Variants in IL1RAPL2 observed in about 807,000 individuals in gnomAD.
IL1RAPL2 encodes interleukin 1 receptor accessory protein like 2.
In IL1RAPL2, 3 loss-of-function variants were observed where a neutral mutation model predicts 44.1. The ratio of observed to expected loss-of-function variants is 0.07; its 90% CI spans 0.03 to 0.18. The LOEUF is 0.18. Ranked by LOEUF, IL1RAPL2 falls within the 10% of genes least tolerant of loss-of-function variation. The pLI, the probability that IL1RAPL2 is intolerant of heterozygous loss-of-function variation, is 1.00. For missense variants in IL1RAPL2, 391 were observed against 496.4 expected (o/e 0.79, Z 2.02); for synonymous variants, 181 against 178.8 (o/e 1.01, Z -0.10).
chrX:105,132,223 T>TA (rs745347881), intron 2 of IL1RAPL2, among the ~76,000 whole-genome samples: 27 of 110,429 alleles, frequency 2.4e-4, no homozygotes, highest in Non-Finnish European at 3.8e-4. Context: ...ATGTCGGCTT[T>TA]AACAATGCTC....
chrX:105,391,184 T>C (rs1167706189), intron 5 of IL1RAPL2, among the ~76,000 whole-genome samples: 1 of 111,697 alleles, frequency 9.0e-6, no homozygotes, highest in African/African-American at 3.3e-5. Context: ...GAATGAATAA[T>C]AATCATGTTA....
At chrX:105,320,892 C>G (rs2034892422) in intron 5 of IL1RAPL2, among the ~76,000 whole-genome samples, 2 of 111,645 alleles carry the variant, frequency 1.8e-5, no homozygotes, top group Non-Finnish European at 3.8e-5. Flanking sequence ...TGCTCTGCAC[C>G]AGTGTTTCAT....
intron 2 of IL1RAPL2, among the ~76,000 whole-genome samples, chrX:104,778,696 T>C (rs967309524): frequency 5.5e-5 from 6 of 108,466 alleles, no homozygotes; most frequent in African/African-American, 2.0e-4. Flanking sequence ...AAATTTGAGA[T>C]ATATAGATTA....
chrX:104,974,935 G>A (rs2030304451), intron 2 of IL1RAPL2, among the ~76,000 whole-genome samples: 1 of 112,365 alleles, frequency 8.9e-6, no homozygotes, highest in Admixed American at 9.4e-5. Flanking sequence ...GGGCCTGCGA[G>A]TTGGGATTCC....
At chrX:104,773,175 C>T (rs184132830) in intron 2 of IL1RAPL2, among the ~76,000 whole-genome samples, 31 of 111,771 alleles carry the variant, frequency 2.8e-4, no homozygotes, top group Non-Finnish European at 4.1e-4. Flanking sequence ...TCCCAAAGTG[C>T]TGGGATTACA....
In IL1RAPL2 at chrX:105,455,324, A is replaced by G. The variant is rs773897475; in HGVS notation, c.698-28989A>G. Among the ~76,000 whole-genome samples, 7 of 112,100 alleles carry G rather than the reference A, an allele frequency of 6.2e-5. No individual in the cohort carries two copies. The East Asian group carries it at 1.7e-3, about 27-fold the overall frequency. On this transcript the variant is annotated intron_variant, in intron 5 of 10. Coordinates refer to ENST00000372582, the MANE Select transcript of IL1RAPL2 (RefSeq NM_017416.2). ...TCTTTGTGCAGAAGCTCTCTAATTT[A>G]ATTAAACCTGTTTGTTGATTTTTGC...
intron 5 of IL1RAPL2, among the ~76,000 whole-genome samples, chrX:105,321,203 C>T (rs1225034252): frequency 9.0e-6 from 1 of 111,420 alleles, no homozygotes; most frequent in Non-Finnish European, 1.9e-5. Flanking sequence ...AACAAGCACC[C>T]TTGGTGATCC....
At chrX:104,828,267 T>C (rs1458296383) in intron 2 of IL1RAPL2, among the ~76,000 whole-genome samples, 3 of 112,436 alleles carry the variant, frequency 2.7e-5, no homozygotes, top group Non-Finnish European at 3.8e-5. Flanking sequence ...CGTGGATTTA[T>C]CTACCTTTCA....
intron 6 of IL1RAPL2, among the ~76,000 whole-genome samples, chrX:105,670,600 A>T (rs1305266337): frequency 1.0e-5 from 1 of 96,652 alleles, no homozygotes; most frequent in Non-Finnish European, 2.1e-5. Flanking sequence ...CGCCCGGCCA[A>T]TCTTGTCTAT....
intron 6 of IL1RAPL2, among the ~76,000 whole-genome samples, chrX:105,501,807 AC>A (rs1327248791): frequency 4.5e-5 from 5 of 111,879 alleles, no homozygotes; most frequent in Non-Finnish European, 9.4e-5. Context: ...AGCTTTTTCT[AC>A]CTAGTGGCTT....
At chrX:105,020,703 TTATTGC>T (rs2031270039) in intron 2 of IL1RAPL2, among the ~76,000 whole-genome samples, 1 of 111,762 alleles carries the variant, frequency 8.9e-6, no homozygotes, top group South Asian at 3.7e-4. Flanking sequence ...GTGTTAGCTC[TTATTGC>T]TATCTCTGGG....
At chrX:105,042,892 G>A (rs1209521206) in intron 2 of IL1RAPL2, among the ~76,000 whole-genome samples, 4 of 107,887 alleles carry the variant, frequency 3.7e-5, no homozygotes, top group Admixed American at 9.9e-5. Flanking sequence ...GGAATACTAT[G>A]CAGCCATAAA....
At chrX:105,073,035 C>CT (rs201850028) in intron 2 of IL1RAPL2, among the ~76,000 whole-genome samples, 6,520 of 104,582 alleles carry the variant, frequency 0.062, 581 homozygotes, top group African/African-American at 0.22. Context: ...GCCACATTTT[C>CT]TTTTTTTTTC....
At chrX:104,689,918 T>A (rs1163340738) in intron 2 of IL1RAPL2, among the ~76,000 whole-genome samples, 7 of 112,239 alleles carry the variant, frequency 6.2e-5, no homozygotes, top group African/African-American at 2.3e-4. Flanking sequence ...CACCTGTCCA[T>A]GACTTGGCTC....
chrX:105,206,979 A>C (rs2033769256), intron 3 of IL1RAPL2, among the ~76,000 whole-genome samples: 1 of 111,647 alleles, frequency 9.0e-6, no homozygotes, highest in African/African-American at 3.3e-5. Context: ...GAATATAATC[A>C]GGTGTCATAA....
intron 2 of IL1RAPL2, among the ~76,000 whole-genome samples, chrX:105,153,051 AT>A (rs907000748): frequency 3.6e-5 from 4 of 109,734 alleles, no homozygotes; most frequent in African/African-American, 6.6e-5. Flanking sequence ...TGACTGCAAG[AT>A]TTTTTTTTTC....
chrX:104,970,342 G>T (rs2030208933), intron 2 of IL1RAPL2, among the ~76,000 whole-genome samples: 1 of 111,545 alleles, frequency 9.0e-6, no homozygotes, highest in Admixed American at 9.5e-5. Context: ...AGAGTTGTTG[G>T]CTTCACCCAG....
chrX:105,691,781 A>G (rs1195705221), intron 6 of IL1RAPL2, among the ~76,000 whole-genome samples: 1 of 111,891 alleles, frequency 8.9e-6, no homozygotes, highest in Non-Finnish European at 1.9e-5. Flanking sequence ...TCACAAATGT[A>G]TATAGAATAA....
intron 3 of IL1RAPL2, among the ~76,000 whole-genome samples, chrX:105,211,697 G>A (rs1006650062): frequency 3.6e-5 from 4 of 111,249 alleles, no homozygotes; most frequent in Non-Finnish European, 7.6e-5. Flanking sequence ...CAAGATGACC[G>A]AATAGGAACA....
Sources: gnomAD v4.1 joint callset for allele counts (sites outside exome capture counted in the v4.1 genomes callset) on GRCh38, gnomAD v4.1.1 for gene constraint, MANE v1.5 for transcripts, NCBI Gene and HGNC (gene_info 2026-07-23, HGNC 2026-07-21) for gene names.